The following PPP1R14C variants were observed in gnomAD, a reference collection of about 807,000 sequenced individuals.
PPP1R14C encodes protein phosphatase 1 regulatory inhibitor subunit 14C.
A neutral mutation model predicts 20.4 loss-of-function variants in PPP1R14C; 16 were observed. The ratio of observed to expected loss-of-function variants is 0.78; its 90% CI spans 0.53 to 1.19. The LOEUF (loss-of-function observed/expected upper bound fraction) is 1.19, where lower values mean the gene tolerates loss of function less well. Among genes scored for constraint, PPP1R14C ranks in the 50% most tolerant of loss-of-function variants. The pLI is 0.00. For missense variants in PPP1R14C, 211 were observed against 220.1 expected, an observed-to-expected ratio of 0.96 and a Z score of 0.26; for synonymous variants, 91 against 91.0, an observed-to-expected ratio of 1.00 and a Z score of 0.00.
chr6:150,217,387 G>T (rs1778108052), intron 3 of PPP1R14C, among the ~76,000 whole-genome samples: 1 of 151,900 alleles, frequency 6.6e-6, no homozygotes, highest in Admixed American at 6.6e-5. Context: ...GTAGAGACGG[G>T]GTTTCACCAT....
At position 150,192,727 on chromosome 6, in the gene PPP1R14C, C is replaced by G. The variant is rs899525712; in HGVS notation, c.307-22017C>G. Among the ~76,000 whole-genome samples the G allele has an allele frequency of 2.6e-5, 4 of 152,216 alleles. 1 individual carries two copies. The South Asian group carries it at 8.3e-4, about 32-fold the overall frequency. ...ATAGGACTCAGCTGGATGGTTCCCT[C>G]TTGGGCTCTCTTACACAGCCGGAGT... On this transcript the variant is annotated intron_variant, in intron 1 of 3. Transcript: ENST00000361131.
chr6:150,195,239 G>T (rs541613672), intron 1 of PPP1R14C: 1 of 831,212 alleles, frequency 1.2e-6, no homozygotes, highest in Non-Finnish European at 1.4e-6. Flanking sequence ...CAGTATATGT[G>T]TGTGTGTGGA....
At chr6:150,182,875 A>G (rs1259140771) in intron 1 of PPP1R14C, among the ~76,000 whole-genome samples, 1 of 152,212 alleles carries the variant, frequency 6.6e-6, no homozygotes, top group African/African-American at 2.4e-5. Flanking sequence ...CCTAGGTTCT[A>G]TGGCACAGCC....
rs1430807087 is a variant in PPP1R14C, at chr6:150,163,954, G to A, written c.306+20456G>A. Among the ~76,000 whole-genome samples the A allele has an allele frequency of 3.3e-5, 5 of 152,196 alleles. No homozygotes were observed. In the South Asian group the frequency reaches 1.0e-3, roughly 31 times the overall value. On this transcript the variant is annotated intron_variant, in intron 1 of 3. Transcript: ENST00000361131. ...TATTCAGCATTGCTAGGTACTGTCA[G>A]ATGATTTCTTAAGTAATTGCACCAA...
chr6:150,194,190 C>T (rs1235696247), intron 1 of PPP1R14C, among the ~76,000 whole-genome samples: 1 of 152,128 alleles, frequency 6.6e-6, no homozygotes, highest in Admixed American at 6.5e-5. Flanking sequence ...TTATGAATAC[C>T]CAGTCTCGGG....
chr6:150,150,335 G>C (rs966017277), intron 1 of PPP1R14C, among the ~76,000 whole-genome samples: 1 of 152,152 alleles, frequency 6.6e-6, no homozygotes, highest in Non-Finnish European at 1.5e-5. Context: ...TAGGTTGACA[G>C]AATTCTTTTG....
intron 3 of PPP1R14C, among the ~76,000 whole-genome samples, chr6:150,230,780 A>G (rs1333122572): frequency 6.6e-6 from 1 of 152,200 alleles, no homozygotes; most frequent in African/African-American, 2.4e-5. Flanking sequence ...AAATGGCTCA[A>G]AATGCTTAAA....
In PPP1R14C at chr6:150,197,262, CT is replaced by C. The variant is rs148780781; in HGVS notation, c.307-17481del. ...CCAGTGTGAGAGGCTCTGCTCCCGC[CT>C]GCGGCACTTCCCTGCACCTGCCACA... On this transcript the variant is annotated intron_variant, in intron 1 of 3. Coordinates refer to ENST00000361131, the MANE Select transcript of PPP1R14C (RefSeq NM_030949.3). Among the ~76,000 whole-genome samples, 351 of 152,358 alleles carry C rather than the reference CT, an allele frequency of 2.3e-3. 4 individuals are homozygous for C. The East Asian group carries it at 0.038, about 17-fold the overall frequency.
At chr6:150,159,492 T>C (rs1777341336) in intron 1 of PPP1R14C, among the ~76,000 whole-genome samples, 1 of 152,156 alleles carries the variant, frequency 6.6e-6, no homozygotes, top group Non-Finnish European at 1.5e-5. Context: ...TAAGCCACTC[T>C]ATCAATTACC....
intron 1 of PPP1R14C, among the ~76,000 whole-genome samples, chr6:150,200,207 TACACAACACACACAC>T (rs1318497596): frequency 1.4e-5 from 2 of 141,594 alleles, no homozygotes; most frequent in Admixed American, 7.2e-5. Context: ...CACACACATG[TACACAACACACACAC>T]ACACAACACA....
chr6:150,148,293 G>T (rs1777201472), intron 1 of PPP1R14C, among the ~76,000 whole-genome samples: 1 of 149,620 alleles, frequency 6.7e-6, no homozygotes, highest in Non-Finnish European at 1.5e-5. Flanking sequence ...GCACAGGGAA[G>T]TTAAGAAGTT....
At position 150,196,750 on chromosome 6, in the gene PPP1R14C, A is replaced by G. The variant is rs191867584; in HGVS notation, c.307-17994A>G. Among the ~76,000 whole-genome samples, 10 of 152,268 alleles carry G rather than the reference A, an allele frequency of 6.6e-5. No homozygotes were observed. The East Asian group carries it at 1.9e-3, about 29-fold the overall frequency. On this transcript the variant is annotated intron_variant, in intron 1 of 3. Transcript: ENST00000361131. Reference sequence around the variant, plus strand: ...CTGCTGTGACTTGTGATCTGATTTGAGTGTCTGTTCTAGTAGCAGAAGCAG... The same window carrying G: ...CTGCTGTGACTTGTGATCTGATTTGGGTGTCTGTTCTAGTAGCAGAAGCAG...
rs1470060430 is a variant in PPP1R14C at position 150,231,972 on chromosome 6, G to A, written c.423+15116G>A. Among the ~76,000 whole-genome samples, 3 of 152,116 alleles carry A rather than the reference G, an allele frequency of 2.0e-5. No individual in the cohort carries two copies. The East Asian group carries it at 5.8e-4, about 29-fold the overall frequency. ...CTATTATTGGCCTGTTGCCTTCCTT[G>A]TGTACAAGACTTTCTCCAAGAATAT... On this transcript the variant is annotated intron_variant, in intron 3 of 3. Transcript: ENST00000361131.
chr6:150,240,966 G>T (rs1244456190), intron 3 of PPP1R14C, among the ~76,000 whole-genome samples: 1 of 152,020 alleles, frequency 6.6e-6, no homozygotes, highest in Non-Finnish European at 1.5e-5. Context: ...ATCTTTGACC[G>T]CAGTTCTTGA....
chr6:150,184,412 C>T (rs1159203157), intron 1 of PPP1R14C, among the ~76,000 whole-genome samples: 6 of 152,160 alleles, frequency 3.9e-5, no homozygotes, highest in Admixed American at 3.9e-4. Flanking sequence ...AGCAATAGGC[C>T]ATACCCTACA....
chr6:150,195,800 G>A (rs6907224), intron 1 of PPP1R14C: 141,738 of 982,594 alleles, frequency 0.14, 10,935 homozygotes, highest in South Asian at 0.29. Context: ...TTCCCAAACT[G>A]AGACACTGTG....
chr6:150,200,915 G>A lies in PPP1R14C; in HGVS notation c.307-13829G>A, dbSNP rs145813224. ...GGATACCAGGGCTTGAATGTGTTGG[G>A]TGCCTGGAGCCGCATGTCTGAAGGG... On this transcript the variant is annotated intron_variant, in intron 1 of 3. Transcript: ENST00000361131. 5.4e-4 allele frequency among the ~76,000 whole-genome samples: 82 copies of A among 152,248 alleles called. No homozygotes were observed. In the East Asian group the frequency reaches 0.014, roughly 27 times the overall value.
intron 3 of PPP1R14C, among the ~76,000 whole-genome samples, chr6:150,234,498 A>G (rs1778330652): frequency 6.6e-6 from 1 of 152,226 alleles, no homozygotes; most frequent in South Asian, 2.1e-4. Flanking sequence ...TTATCAGCAG[A>G]TGAATGGATA....
At chr6:150,233,126 A>T (rs1396852724) in intron 3 of PPP1R14C, among the ~76,000 whole-genome samples, 1 of 152,164 alleles carries the variant, frequency 6.6e-6, no homozygotes, top group Non-Finnish European at 1.5e-5. Context: ...TAAAGATGAG[A>T]TCTGAGTCAC....
Sources: allele counts gnomAD v4.1 joint callset (sites outside exome capture counted in the v4.1 genomes callset), GRCh38; gene constraint gnomAD v4.1.1; transcripts MANE v1.5; gene names NCBI Gene and HGNC (gene_info 2026-07-23, HGNC 2026-07-21).